Variants in FARP1 observed in about 807,000 individuals in gnomAD.
FARP1 encodes the protein FERM, ARH/RhoGEF and pleckstrin domain protein 1, also known as FERM, ARHGEF and pleckstrin domain-containing protein 1.
Under a neutral mutation model 128.8 loss-of-function variants are expected in FARP1, and 52 were observed. The ratio of observed to expected loss-of-function variants is 0.40; its 90% confidence interval spans 0.32 to 0.51. FARP1 has a LOEUF of 0.51. Among genes scored for constraint, FARP1 ranks in the 20% least tolerant of loss-of-function variants. The pLI is 0.45. For synonymous variants in FARP1, 580 were observed against 551.8 expected, an observed-to-expected ratio of 1.05 and a Z score of -0.72; for missense variants, 1,333 against 1,367.9, an observed-to-expected ratio of 0.97 and a Z score of 0.40.
chr13:98,161,590 G>A (rs1876890274), intron 1 of FARP1, among the ~76,000 whole-genome samples: 1 of 152,134 alleles, frequency 6.6e-6, no homozygotes. Flanking sequence ...ACCTTTCTCT[G>A]AGGAATGTGG....
intron 3 of FARP1, among the ~76,000 whole-genome samples, chr13:98,362,415 T>C (rs1594446117): frequency 2.6e-5 from 4 of 152,316 alleles, no homozygotes; most frequent in Admixed American, 6.5e-5. Context: ...AGTGACCTGC[T>C]GAATCACTGA....
At chr13:98,266,257 T>A (rs1388259136) in intron 2 of FARP1, among the ~76,000 whole-genome samples, 1 of 152,182 alleles carries the variant, frequency 6.6e-6, no homozygotes, top group Non-Finnish European at 1.5e-5. Context: ...CCCATTCCTG[T>A]GTGATCCATC....
chr13:98,297,112 A>G (rs1182384572), intron 2 of FARP1, among the ~76,000 whole-genome samples: 1 of 152,218 alleles, frequency 6.6e-6, no homozygotes, highest in African/African-American at 2.4e-5. Flanking sequence ...TTTATTGTGC[A>G]CAGCACAGTC....
At chr13:98,320,995 G>A (rs1886969347) in intron 2 of FARP1, among the ~76,000 whole-genome samples, 1 of 152,194 alleles carries the variant, frequency 6.6e-6, no homozygotes, top group Admixed American at 6.5e-5. Flanking sequence ...GCCTTTCAAT[G>A]TCTGTGACTC....
intron 1 of FARP1, among the ~76,000 whole-genome samples, chr13:98,204,492 G>T (rs1880145563): frequency 6.6e-6 from 1 of 152,140 alleles, no homozygotes; most frequent in Non-Finnish European, 1.5e-5. Flanking sequence ...ATAATATTCT[G>T]TGGCTGTTAC....
chr13:98,426,093 A>G (rs1481578681), intron 17 of FARP1, among the ~76,000 whole-genome samples: 2 of 152,190 alleles, frequency 1.3e-5, no homozygotes, highest in East Asian at 3.9e-4. Flanking sequence ...CTGAGCACCT[A>G]CTATACACAA....
chr13:98,438,663 C>T, intron 19 of FARP1, 141 bp from the exon 20 acceptor site: 1 of 657,552 alleles, frequency 1.5e-6, no homozygotes, highest in African/African-American at 1.8e-5. Flanking sequence ...GGTTTGCACG[C>T]TCGCAGTCCG....
At chr13:98,144,481 C>G (rs1412290162) in intron 1 of FARP1, among the ~76,000 whole-genome samples, 1 of 151,994 alleles carries the variant, frequency 6.6e-6, no homozygotes, top group East Asian at 1.9e-4. Context: ...GGCCTCTGGC[C>G]GTTTCATTAT....
rs1889733477 is a variant in FARP1, at chr13:98,378,990, A to ATAATC, written c.496+1074_496+1075insATCTA. 3.0e-5 allele frequency among the ~76,000 whole-genome samples: 3 copies of ATAATC among 99,258 alleles called. 1 individual carries two copies. In the South Asian group the frequency reaches 8.8e-4, roughly 29 times the overall value. The allele number at this position is 99,258 out of a possible 152,430, so 65.1% of individuals were successfully genotyped here. On this transcript the variant is annotated intron_variant, in intron 6 of 26. Coordinates refer to ENST00000319562, the MANE Select transcript of FARP1 (RefSeq NM_005766.4). ...ACAATATATAATCTATATATAATAT[A>ATAATC]TATATAATATATACAATATATAATC...
intron 1 of FARP1, among the ~76,000 whole-genome samples, chr13:98,165,858 C>T (rs1259677722): frequency 6.6e-6 from 1 of 151,204 alleles, no homozygotes; most frequent in Non-Finnish European, 1.5e-5. Flanking sequence ...GCTGAGATTA[C>T]AGGTGCACAC....
intron 2 of FARP1, among the ~76,000 whole-genome samples, chr13:98,296,547 A>G (rs9513395): frequency 0.28 from 41,727 of 151,308 alleles, 6,592 homozygotes; most frequent in Non-Finnish European, 0.36. Flanking sequence ...CTCCACTCCT[A>G]GCACAGGAGA....
intron 17 of FARP1, among the ~76,000 whole-genome samples, chr13:98,427,486 G>T (rs1364155931): frequency 6.6e-6 from 1 of 152,178 alleles, no homozygotes; most frequent in East Asian, 1.9e-4. Flanking sequence ...CTTCAAGGAG[G>T]CTTGGACTCT....
chr13:98,190,204 C>T (rs182268704), intron 1 of FARP1, among the ~76,000 whole-genome samples: 21 of 152,304 alleles, frequency 1.4e-4, no homozygotes, highest in Admixed American at 2.6e-4. Flanking sequence ...AAATATTTTA[C>T]AATTTTCTCC....
intron 2 of FARP1, among the ~76,000 whole-genome samples, chr13:98,274,455 G>A (rs575624632): frequency 6.6e-6 from 1 of 152,176 alleles, no homozygotes; most frequent in Admixed American, 6.5e-5. Context: ...ATTGATTAAT[G>A]GCAACAACTG....
chr13:98,357,692 C>T (rs1359897307), intron 3 of FARP1, among the ~76,000 whole-genome samples: 2 of 152,096 alleles, frequency 1.3e-5, no homozygotes, highest in African/African-American at 2.4e-5. Flanking sequence ...GTCTGTCATT[C>T]GTGTGAGTTC....
Position 98,454,679 on chromosome 13 carries a change from G to A in FARP1, c.*6362G>A, listed in dbSNP as rs1416466280. On this transcript the variant is annotated 3_prime_UTR_variant, in exon 27 of 27. Coordinates refer to ENST00000319562, the MANE Select transcript of FARP1 (RefSeq NM_005766.4). Reference sequence around the variant, plus strand: ...CTCATTTTTCCTACAGCCATCCACTGAAACAACATGTTTGGAGCAAAACTG... The same window carrying A: ...CTCATTTTTCCTACAGCCATCCACTAAAACAACATGTTTGGAGCAAAACTG... The A allele has an allele frequency of 1.3e-5, 2 of 152,234 alleles. No homozygotes were observed. The highest frequency in any genetic ancestry group is 2.4e-5 in the African/African-American group (1 of 41,452). 9.4% of individuals were successfully genotyped at this position (152,234 alleles called of 1,614,324 possible).
chr13:98,253,301 G>A (rs1005599894), intron 2 of FARP1, among the ~76,000 whole-genome samples: 3 of 152,206 alleles, frequency 2.0e-5, no homozygotes, highest in Non-Finnish European at 2.9e-5. Flanking sequence ...AGAAGATGAC[G>A]CCAGTGATTG....
At chr13:98,222,598 T>C (rs1441467792) in intron 2 of FARP1, among the ~76,000 whole-genome samples, 1 of 151,698 alleles carries the variant, frequency 6.6e-6, no homozygotes. Context: ...TGCTAGTGCC[T>C]GTGACAGGTG....
At chr13:98,243,106 A>AT (rs2139455863) in intron 2 of FARP1, among the ~76,000 whole-genome samples, 1 of 152,314 alleles carries the variant, frequency 6.6e-6, no homozygotes. Context: ...GTAAGTAGTG[A>AT]TTTTCTTTTC....
Sources: allele counts gnomAD v4.1 joint callset (sites outside exome capture counted in the v4.1 genomes callset), GRCh38; gene constraint gnomAD v4.1.1; transcripts MANE v1.5; gene names NCBI Gene and HGNC (gene_info 2026-07-23, HGNC 2026-07-21).